The following RP1L1 variants were observed in gnomAD, a reference collection of about 807,000 sequenced individuals.
RP1L1 encodes RP1 like 1.
Under a neutral mutation model 15.7 loss-of-function variants are expected in RP1L1, and 27 were observed. The observed-to-expected ratio is 1.72, with a 90% CI of 1.27 to 2.38. RP1L1 has a LOEUF of 2.38. Among genes scored for constraint, RP1L1 ranks in the 30% most tolerant of loss-of-function variants. The pLI, the probability that RP1L1 is intolerant of heterozygous loss-of-function variation, is 0.00. For missense variants in RP1L1, 4,798 were observed against 3,075.9 expected (o/e 1.56, Z -13.24); for synonymous variants, 1,813 against 1,276.7 (o/e 1.42, Z -8.96).
Position 10,613,214 on chromosome 8 carries a change from T to C in RP1L1, c.884A>G (p.Asp295Gly). The change falls in exon 4 of 4, where the codon GAC (aspartate) becomes GGC (glycine). Residue 295 changes from aspartate to glycine, a missense_variant. Transcript: ENST00000382483. The stretch of plus-strand genomic sequence containing the variant: ...CAGCGGGCCCGACTGAGCTGGCGTG[T>C]CCTGAGGGTGCCTGCCAGGAGCAGG... ...VGPAPGRHPQ[D>G]TPAQSGPLVA... is the part of the protein sequence containing the mutation. 6.2e-7 allele frequency: 1 copy of C among 1,613,388 alleles called. No homozygotes were observed. The highest frequency in any genetic ancestry group is 8.5e-7 in the Non-Finnish European group (1 of 1,179,982).
chr8:10,633,933 G>A (rs1024069560), intron 1 of RP1L1, among the ~76,000 whole-genome samples: 3 of 152,132 alleles, frequency 2.0e-5, no homozygotes, highest in Non-Finnish European at 2.9e-5. Context: ...GGGAACCCAG[G>A]CTTCAGGACT....
intron 1 of RP1L1, among the ~76,000 whole-genome samples, chr8:10,633,699 C>T (rs74678925): frequency 4.6e-5 from 7 of 152,120 alleles, no homozygotes; most frequent in East Asian, 1.9e-4. Flanking sequence ...ACCTCCAGGG[C>T]GTGACTGAAG....
At chr8:10,619,820 C>A (rs1018304288) in intron 2 of RP1L1, among the ~76,000 whole-genome samples, 2 of 151,922 alleles carry the variant, frequency 1.3e-5, no homozygotes, top group Non-Finnish European at 2.9e-5. Context: ...ATTAGCTGGG[C>A]ATGGTGGCAG....
Position 10,608,886 on chromosome 8 carries a change from G to A in RP1L1, c.5212C>T (p.Pro1738Ser). The change falls in exon 4 of 4, where the codon CCT becomes TCT. Residue 1738 changes from proline to serine, a missense_variant. Physicochemically the swap from Pro to Ser is moderately conservative, Grantham distance 74 (BLOSUM62 -1). Transcript: ENST00000382483. ...CCATCCTCACCCTCGTCCACTCCAG[G>A]CCCCTGGCTCAGCCCCGGCCCCAGC... The part of the protein sequence containing the change: ...GGLGPGLSQG[P>S]GVDEGEDGEG... 1.2e-6 allele frequency: 2 copies of A among 1,613,908 alleles called. No individual in the cohort carries two copies. Among genetic ancestry groups the A allele is most frequent in the Non-Finnish European group, 1.7e-6 (2 of 1,180,018 alleles).
At position 10,611,403 on chromosome 8, in the gene RP1L1, G is replaced by C. The variant is rs748906739; in HGVS notation, c.2695C>G (p.Pro899Ala). 5.6e-6 allele frequency: 9 copies of C among 1,600,262 alleles called. No individual in the cohort carries two copies. In the South Asian group the frequency reaches 1.0e-4, roughly 18 times the overall value. The change falls in exon 4 of 4, where the codon CCG becomes GCG. Residue 899 changes from proline (P) to alanine (A), a missense_variant. Coordinates refer to ENST00000382483, the MANE Select transcript of RP1L1 (RefSeq NM_178857.6). ...GCCCCTGAATTGGGGCCTGGGGACGGCGTGGGGCCTGGCTGGCGTGTCCCC... is the reference window on the plus strand; with the variant it reads ...GCCCCTGAATTGGGGCCTGGGGACGCCGTGGGGCCTGGCTGGCGTGTCCCC... ...QEGTRQPGPTPSPGPNSGASR... is the reference protein window; with the variant it reads ...QEGTRQPGPTASPGPNSGASR...
At chr8:10,634,684 G>A (rs983209632) in intron 1 of RP1L1, among the ~76,000 whole-genome samples, 4 of 152,182 alleles carry the variant, frequency 2.6e-5, no homozygotes, top group African/African-American at 9.6e-5. Context: ...CCCCAGGAAT[G>A]AGTCCACAGG....
Position 10,607,917 on chromosome 8 carries a change from C to A in RP1L1, c.6181G>T (p.Glu2061Ter). Residue 2061 changes from glutamate to a stop codon, truncating the protein, a stop_gained, in exon 4 of 4, where the codon GAA (glutamate) becomes TAA (stop). Coordinates refer to ENST00000382483, the MANE Select transcript of RP1L1 (RefSeq NM_178857.6). LOFTEE classifies it low-confidence loss of function (END_TRUNC). ...ESDGVEAPEA[E>*]EEAQEAEGEV... is the part of the protein sequence containing the mutation. ...CCTTCAGCCTCCTGTGCCTCCTCTT[C>A]TGCCTCCGGGGCCTCTACACCGTCT... The A allele has an allele frequency of 6.2e-7, 1 of 1,600,784 alleles. No homozygotes were observed. The highest frequency in any genetic ancestry group is 1.3e-5 in the African/African-American group (1 of 74,562).
rs779640332 is a variant in RP1L1 at position 10,612,464 on chromosome 8, G to T, written c.1634C>A (p.Ser545Tyr). Residue 545 changes from serine to tyrosine, a missense_variant, in exon 4 of 4, where the codon TCC becomes TAC. By Grantham distance (144) the Ser-to-Tyr change is moderately radical. Coordinates refer to ENST00000382483, the MANE Select transcript of RP1L1 (RefSeq NM_178857.6). ...CTGGGGCCGCCCACCCCATTCGCTG[G>T]ATCCCTCATGAGAGCCGGTGCTGGC... ...SSASTGSHEG[S>Y]SEWGGRPQGC... 2 of 1,612,664 alleles carry T rather than the reference G, an allele frequency of 1.2e-6. No homozygotes were observed. The highest frequency in any genetic ancestry group is 1.7e-5 in the Admixed American group (1 of 60,026).
chr8:10,619,029 C>T lies in RP1L1; in HGVS notation c.610-2442G>A, dbSNP rs766749779. 1.7e-3 allele frequency among the ~76,000 whole-genome samples: 261 copies of T among 152,214 alleles called. 2 individuals are homozygous for T. Among genetic ancestry groups the T allele is most frequent in the Non-Finnish European group, 5.6e-4 (38 of 68,006 alleles). ...GGGACTACAGGCACGCACCACCATG[C>T]CTGGCTAATTTTAAATTTTTAGTAG... On this transcript the variant is annotated intron_variant, in intron 2 of 3. Coordinates refer to ENST00000382483, the MANE Select transcript of RP1L1 (RefSeq NM_178857.6).
At chr8:10,635,459 C>T (rs774959374) in intron 1 of RP1L1, among the ~76,000 whole-genome samples, 9 of 152,228 alleles carry the variant, frequency 5.9e-5, no homozygotes, top group South Asian at 2.1e-4. Flanking sequence ...ATGTAGCCAA[C>T]GCAATTCAGG....
chr8:10,644,401 C>A (rs1563140380), intron 1 of RP1L1, among the ~76,000 whole-genome samples: 1 of 152,218 alleles, frequency 6.6e-6, no homozygotes, highest in Non-Finnish European at 1.5e-5. Flanking sequence ...AGCTGACCTT[C>A]TGGGCTGGGC....
Position 10,606,934 on chromosome 8 carries a change from G to T in RP1L1, c.7164C>A (p.Gly2388=), listed in dbSNP as rs755659896. The part of the protein sequence containing the change: ...LGSLAPTEAV[G]RADGFGQDDL... The stretch of plus-strand genomic sequence containing the variant: ...CATCTTGGCCAAAGCCGTCTGCCCT[G>T]CCCACTGCCTCAGTGGGGGCGAGAC... The change falls in exon 4 of 4, where the codon GGC becomes GGA. Residue 2388 remains glycine (G), a synonymous_variant. Transcript: ENST00000382483. 2 of 1,614,084 alleles carry T rather than the reference G, an allele frequency of 1.2e-6. No individual in the cohort carries two copies. Among genetic ancestry groups the T allele is most frequent in the Non-Finnish European group, 1.7e-6 (2 of 1,180,034 alleles).
chr8:10,616,864 G>A (rs1797976299), intron 2 of RP1L1, among the ~76,000 whole-genome samples: 1 of 152,184 alleles, frequency 6.6e-6, no homozygotes, highest in South Asian at 2.1e-4. Flanking sequence ...GGATGCCCCT[G>A]CTGCAAAAGA....
chr8:10,620,907 G>C (rs1023647748), intron 2 of RP1L1, among the ~76,000 whole-genome samples: 1 of 152,214 alleles, frequency 6.6e-6, no homozygotes, highest in Admixed American at 6.5e-5. Context: ...CAGGAATATG[G>C]TTCGGTCACT....
In RP1L1 at chr8:10,607,458, C is replaced by A. The variant is rs532233178; in HGVS notation, c.6640G>T (p.Ala2214Ser). ...TGGGCCTCCTCTTCAGCCTCCGGGG[C>A]CTCTACACCTTCTAACTCTGGTTGG... ...EAQPELEGVE[A>S]PEAEEEAQPE... The change falls in exon 4 of 4, where the codon GCC becomes TCC. Residue 2214 changes from alanine (A) to serine (S), a missense_variant. Ala to Ser is a moderately conservative substitution (Grantham distance 99). Transcript: ENST00000382483. The A allele has an allele frequency of 1.2e-6, 2 of 1,613,614 alleles. No homozygotes were observed. The highest frequency in any genetic ancestry group is 3.3e-5 in the Admixed American group (2 of 59,990).
chr8:10,614,654 C>A, intron 3 of RP1L1, among the ~76,000 whole-genome samples: 1 of 110,440 alleles, frequency 9.1e-6, no homozygotes, highest in Non-Finnish European at 1.7e-5. Flanking sequence ...GGGTAAGATT[C>A]TGTCGTCAAA....
chr8:10,640,727 T>C (rs75002088), intron 1 of RP1L1, among the ~76,000 whole-genome samples: 6,504 of 151,918 alleles, frequency 0.043, 159 homozygotes, highest in South Asian at 0.067. Flanking sequence ...GGAAAGAGAT[T>C]GTATTGTAAT....
chr8:10,637,490 A>C (rs1798346891), intron 1 of RP1L1, among the ~76,000 whole-genome samples: 1 of 152,204 alleles, frequency 6.6e-6, no homozygotes. Context: ...ATATGTCTAA[A>C]GTCCCACCTA....
rs1487552912 is a variant in RP1L1 at position 10,611,516 on chromosome 8, G to C, written c.2582C>G (p.Pro861Arg). 2 of 1,580,284 alleles carry C rather than the reference G, an allele frequency of 1.3e-6. No homozygotes were observed. Among genetic ancestry groups the C allele is most frequent in the South Asian group, 2.3e-5 (2 of 87,952 alleles). Reference protein sequence around the residue: ...RYCPTPPRGRPCPQRRSSSCG... With the variant: ...RYCPTPPRGRRCPQRRSSSCG... ...GCTGGAAGAGCGCCTCTGGGGGCAGGGCCGCCCCCTGGGCGGGGTGGGACA... is the reference window on the plus strand; with the variant it reads ...GCTGGAAGAGCGCCTCTGGGGGCAGCGCCGCCCCCTGGGCGGGGTGGGACA... Residue 861 changes from proline (P) to arginine (R), a missense_variant, in exon 4 of 4, where the codon CCC becomes CGC. Pro to Arg is a moderately radical substitution (Grantham distance 103). Transcript: ENST00000382483.
Sources: gnomAD v4.1 joint callset for allele counts (sites outside exome capture counted in the v4.1 genomes callset) on GRCh38, gnomAD v4.1.1 for gene constraint, MANE v1.5 for transcripts, NCBI Gene and HGNC (gene_info 2026-07-23, HGNC 2026-07-21) for gene names.